The following HEMK2 variants were observed in gnomAD, a reference collection of about 807,000 sequenced individuals.
The protein encoded by HEMK2 is HemK methyltransferase 2, ETF1 glutamine and histone H4 lysine, also known as methyltransferase HEMK2.
chr21:28,773,111 T>A, the HEMK2 span, among the ~76,000 whole-genome samples: 1 of 152,168 alleles, frequency 6.6e-6, no homozygotes, highest in Non-Finnish European at 1.5e-5. Flanking sequence ...CTAGTGCCTC[T>A]CCTGCTCTAG....
chr21:28,787,953 C>A, the HEMK2 span, among the ~76,000 whole-genome samples: 1 of 151,912 alleles, frequency 6.6e-6, no homozygotes, highest in Non-Finnish European at 1.5e-5. Flanking sequence ...ATCAGGGAAC[C>A]AACCCAAATG....
At chr21:28,775,059 A>G in the HEMK2 span, among the ~76,000 whole-genome samples, 1 of 152,222 alleles carries the variant, frequency 6.6e-6, no homozygotes, top group Non-Finnish European at 1.5e-5. Context: ...CAGGCAAAAC[A>G]CATCTCAAAT....
chr21:28,633,320 T>C, the HEMK2 span, among the ~76,000 whole-genome samples: 1 of 152,162 alleles, frequency 6.6e-6, no homozygotes, highest in Non-Finnish European at 1.5e-5. Context: ...GCCAGGATGA[T>C]CCACAAATAC....
chr21:28,829,739 A>C, the HEMK2 span, among the ~76,000 whole-genome samples: 1 of 152,214 alleles, frequency 6.6e-6, no homozygotes, highest in South Asian at 2.1e-4. Flanking sequence ...TGTCCTCTCA[A>C]AGAGGTATTT....
the HEMK2 span, among the ~76,000 whole-genome samples, chr21:28,736,896 T>C: frequency 6.6e-6 from 1 of 152,348 alleles, no homozygotes; most frequent in South Asian, 2.1e-4. Flanking sequence ...CTTTCATTTA[T>C]TGATATTTTG....
At chr21:28,809,400 G>A in the HEMK2 span, among the ~76,000 whole-genome samples, 2 of 152,176 alleles carry the variant, frequency 1.3e-5, no homozygotes, top group Admixed American at 1.3e-4. Context: ...TTTTTAAGTA[G>A]TGAAGAATTA....
At chr21:28,876,062 T>A in the HEMK2 span, 1 of 173,380 alleles carries the variant, frequency 5.8e-6, no homozygotes, top group African/African-American at 2.4e-5. Context: ...GGCCCTGCCA[T>A]CTGAAAGCAA....
At chr21:28,846,861 C>G in the HEMK2 span, among the ~76,000 whole-genome samples, 1 of 152,156 alleles carries the variant, frequency 6.6e-6, no homozygotes, top group Admixed American at 6.5e-5. Flanking sequence ...ATGTTAGCTC[C>G]CACTTATAAG....
chr21:28,849,335 A>T, the HEMK2 span, among the ~76,000 whole-genome samples: 5 of 152,150 alleles, frequency 3.3e-5, no homozygotes, highest in Admixed American at 6.5e-5. Flanking sequence ...ATCAAAAAAG[A>T]TAAAAGCAAA....
At chr21:28,696,267 G>C in the HEMK2 span, among the ~76,000 whole-genome samples, 1 of 152,160 alleles carries the variant, frequency 6.6e-6, no homozygotes, top group African/African-American at 2.4e-5. Flanking sequence ...TTTGGGCAGG[G>C]ACACAGCCAA....
the HEMK2 span, among the ~76,000 whole-genome samples, chr21:28,691,188 C>T: frequency 1.3e-5 from 2 of 152,116 alleles, no homozygotes; most frequent in African/African-American, 4.8e-5. Context: ...TTGGAATACT[C>T]TTGTTAAAGA....
At chr21:28,716,500 C>T in the HEMK2 span, among the ~76,000 whole-genome samples, 1 of 152,168 alleles carries the variant, frequency 6.6e-6, no homozygotes, top group African/African-American at 2.4e-5. Context: ...TGAAACATTA[C>T]TGAAGTCATT....
At chr21:28,671,881 C>T in the HEMK2 span, among the ~76,000 whole-genome samples, 32,223 of 152,020 alleles carry the variant, frequency 0.21, 3,736 homozygotes, top group East Asian at 0.38. Flanking sequence ...CTAATATTCA[C>T]AATTTAATTT....
At chr21:28,736,981 G>C in the HEMK2 span, among the ~76,000 whole-genome samples, 1,160 of 152,212 alleles carry the variant, frequency 7.6e-3, 15 homozygotes, top group African/African-American at 0.026. Context: ...TAAAATTTGA[G>C]TAGCTGGGGA....
At chr21:28,882,023 C>T in the HEMK2 span, 1 of 524,174 alleles carries the variant, frequency 1.9e-6, no homozygotes, top group Non-Finnish European at 3.2e-6. Flanking sequence ...AGGTGGATTA[C>T]ATCAACAAAG....
the HEMK2 span, among the ~76,000 whole-genome samples, chr21:28,767,569 A>G: frequency 0.075 from 11,357 of 152,066 alleles, 718 homozygotes; most frequent in East Asian, 0.22. Context: ...CAACAACATT[A>G]TGCTAACTGG....
At chr21:28,695,630 GC>G in the HEMK2 span, among the ~76,000 whole-genome samples, 6 of 151,918 alleles carry the variant, frequency 3.9e-5, no homozygotes, top group Non-Finnish European at 5.9e-5. Flanking sequence ...TCTCCACCTG[GC>G]CCCACCCTTG....
the HEMK2 span, among the ~76,000 whole-genome samples, chr21:28,711,800 T>TA: frequency 6.6e-6 from 1 of 152,118 alleles, no homozygotes; most frequent in Non-Finnish European, 1.5e-5. Context: ...AACAAACATT[T>TA]ATTTCTCACA....
chr21:28,835,720 T>C, the HEMK2 span, among the ~76,000 whole-genome samples: 66 of 152,140 alleles, frequency 4.3e-4, no homozygotes, highest in East Asian at 0.01. Flanking sequence ...CAAAGTTCAA[T>C]GCAAGGAAAT....
Sources: gnomAD v4.1 joint callset for allele counts (sites outside exome capture counted in the v4.1 genomes callset) on GRCh38, gnomAD v4.1.1 for gene constraint, MANE v1.5 for transcripts, NCBI Gene and HGNC (gene_info 2026-07-23, HGNC 2026-07-21) for gene names.